The following IGSF21 variants were observed in gnomAD, a reference collection of about 807,000 sequenced individuals.
IGSF21 encodes immunoglobulin superfamily member 21.
Under a neutral mutation model 46.8 loss-of-function variants are expected in IGSF21, and 28 were observed. The observed-to-expected ratio is 0.60, with a 90% CI of 0.44 to 0.82. The LOEUF (loss-of-function observed/expected upper bound fraction) is 0.82, where lower values mean the gene tolerates loss of function less well. Among genes scored for constraint, IGSF21 ranks in the 40% least tolerant of loss-of-function variants. IGSF21 has a pLI of 0.00. For missense variants in IGSF21, 624 were observed against 665.5 expected (o/e 0.94, Z 0.69); for synonymous variants, 284 against 273.6 (o/e 1.04, Z -0.38).
At chr1:18,169,604 C>T (rs1257311197) in intron 1 of IGSF21, among the ~76,000 whole-genome samples, 3 of 152,220 alleles carry the variant, frequency 2.0e-5, no homozygotes, top group Non-Finnish European at 4.4e-5. Context: ...AGTGTCTTTG[C>T]TGATGGCTGA....
At chr1:18,285,434 C>T (rs188237870) in intron 2 of IGSF21, among the ~76,000 whole-genome samples, 6 of 152,170 alleles carry the variant, frequency 3.9e-5, no homozygotes, top group Middle Eastern at 3.4e-3. Flanking sequence ...TGGGGTCTGG[C>T]AGCTCTGGAG....
intron 3 of IGSF21, among the ~76,000 whole-genome samples, chr1:18,308,889 G>A (rs1448577516): frequency 6.6e-6 from 1 of 152,170 alleles, no homozygotes; most frequent in Non-Finnish European, 1.5e-5. Flanking sequence ...GGCTAGATCA[G>A]GGCAGTGGGG....
At chr1:18,324,871 C>T (rs146994472) in intron 3 of IGSF21, among the ~76,000 whole-genome samples, 72 of 152,286 alleles carry the variant, frequency 4.7e-4, no homozygotes, top group African/African-American at 1.5e-3. Flanking sequence ...TTCAGGATTT[C>T]GGGTTATTCC....
At chr1:18,141,828 G>A (rs543182235) in intron 1 of IGSF21, among the ~76,000 whole-genome samples, 210 of 152,202 alleles carry the variant, frequency 1.4e-3, no homozygotes, top group African/African-American at 4.8e-3. Flanking sequence ...CAGCACTTCG[G>A]CAGGCCAAGG....
intron 1 of IGSF21, among the ~76,000 whole-genome samples, chr1:18,182,425 C>T (rs2124469807): frequency 6.6e-6 from 1 of 152,242 alleles, no homozygotes; most frequent in East Asian, 1.9e-4. Context: ...GTGATCCGCT[C>T]ACCTCGGCCT....
intron 1 of IGSF21, among the ~76,000 whole-genome samples, chr1:18,145,519 G>A (rs1252860255): frequency 1.3e-5 from 2 of 152,140 alleles, no homozygotes; most frequent in Non-Finnish European, 2.9e-5. Flanking sequence ...AACTGGCACT[G>A]GGCCCTGGGA....
At chr1:18,213,481 C>T (rs1300884960) in intron 1 of IGSF21, among the ~76,000 whole-genome samples, 1 of 152,174 alleles carries the variant, frequency 6.6e-6, no homozygotes, top group Non-Finnish European at 1.5e-5. Context: ...CCCTCCCCAC[C>T]CTGGTGATGA....
chr1:18,279,727 G>A (rs2085139986), intron 2 of IGSF21, among the ~76,000 whole-genome samples: 1 of 152,220 alleles, frequency 6.6e-6, no homozygotes, highest in African/African-American at 2.4e-5. Flanking sequence ...CCGGCAGATG[G>A]ACAGACAGGC....
Position 18,326,040 on chromosome 1 carries a change from G to GC in IGSF21, c.306-8844dup, listed in dbSNP as rs11349727. On this transcript the variant is annotated intron_variant, in intron 3 of 9. Coordinates refer to ENST00000251296, the MANE Select transcript of IGSF21 (RefSeq NM_032880.5). ...GAGCAGAGACCTCTTCCCCGCCCAT[G>GC]CCCCCCCCTTTTTTTTCCAGGGAGT... Among the ~76,000 whole-genome samples, 451 of 151,130 alleles carry GC rather than the reference G, an allele frequency of 3.0e-3. 1 individual carries two copies. The highest frequency in any genetic ancestry group is 0.01 in the African/African-American group (431 of 41,306).
intron 4 of IGSF21, among the ~76,000 whole-genome samples, chr1:18,336,988 A>AC (rs1199123079): frequency 2.0e-5 from 3 of 152,084 alleles, no homozygotes; most frequent in Non-Finnish European, 2.9e-5. Context: ...GGAAAGACCG[A>AC]CCCCTATGAT....
At chr1:18,241,172 C>T (rs574302382) in intron 2 of IGSF21, among the ~76,000 whole-genome samples, 2 of 152,268 alleles carry the variant, frequency 1.3e-5, no homozygotes, top group East Asian at 3.9e-4. Context: ...GTTCAGAAGT[C>T]CACTCCACAA....
chr1:18,111,350 C>T (rs989795756), intron 1 of IGSF21: 1 of 152,212 alleles, frequency 6.6e-6, no homozygotes, highest in African/African-American at 2.4e-5. Flanking sequence ...GTTTTAAGTG[C>T]AGAGAATATT....
chr1:18,344,905 G>T (rs994444751), intron 4 of IGSF21, among the ~76,000 whole-genome samples: 3 of 152,194 alleles, frequency 2.0e-5, no homozygotes, highest in African/African-American at 4.8e-5. Flanking sequence ...ACTCCAGGGA[G>T]CCAGGCTGCT....
chr1:18,160,902 G>A (rs1027917973), intron 1 of IGSF21, among the ~76,000 whole-genome samples: 7 of 152,158 alleles, frequency 4.6e-5, no homozygotes, highest in South Asian at 4.1e-4. Context: ...GGTGGTGGCC[G>A]TTCCTGGAGG....
chr1:18,242,698 T>C (rs564423274), intron 2 of IGSF21, among the ~76,000 whole-genome samples: 1 of 152,224 alleles, frequency 6.6e-6, no homozygotes, highest in Non-Finnish European at 1.5e-5. Flanking sequence ...TATCAAGTCA[T>C]GCAAAGCCTG....
rs151277038 is a variant in IGSF21 at position 18,228,022 on chromosome 1, C to A, written c.183+12C>A. Reference sequence around the variant, plus strand: ...TCGTGTGGTACCGGGTAAGTCACTACTACTGCCCCCTTCATGCCCATGGCC... The same window carrying A: ...TCGTGTGGTACCGGGTAAGTCACTAATACTGCCCCCTTCATGCCCATGGCC... On this transcript the variant is annotated intron_variant, in intron 2 of 9. Coordinates refer to ENST00000251296, the MANE Select transcript of IGSF21 (RefSeq NM_032880.5). The A allele has an allele frequency of 9.7e-4, 1,547 of 1,588,526 alleles. 15 individuals carry two copies. In the African/African-American group the frequency reaches 0.017, roughly 17 times the overall value.
chr1:18,260,521 A>G (rs1229692071), intron 2 of IGSF21, among the ~76,000 whole-genome samples: 1 of 152,374 alleles, frequency 6.6e-6, no homozygotes, highest in Non-Finnish European at 1.5e-5. Flanking sequence ...ACCCATAGTC[A>G]TAGTGCAGAG....
intron 2 of IGSF21, among the ~76,000 whole-genome samples, chr1:18,254,708 G>C (rs184323129): frequency 1.3e-5 from 2 of 152,324 alleles, no homozygotes; most frequent in East Asian, 1.9e-4. Flanking sequence ...GCTGTTGCCT[G>C]TGCCACTCCT....
chr1:18,370,283 G>A (rs2086211543), intron 6 of IGSF21, among the ~76,000 whole-genome samples: 1 of 152,180 alleles, frequency 6.6e-6, no homozygotes, highest in Non-Finnish European at 1.5e-5. Context: ...ACAGGATAGA[G>A]TCCAGAAATA....
Sources: gnomAD v4.1 joint callset for allele counts (sites outside exome capture counted in the v4.1 genomes callset) on GRCh38, gnomAD v4.1.1 for gene constraint, MANE v1.5 for transcripts, NCBI Gene and HGNC (gene_info 2026-07-23, HGNC 2026-07-21) for gene names.